Variants in SORBS2 observed in about 807,000 individuals in gnomAD.
The protein encoded by SORBS2 is sorbin and SH3 domain containing 2.
SORBS2 carries 46 observed loss-of-function variants against 97.7 expected under a neutral mutation model. The ratio of observed to expected loss-of-function variants is 0.47; its 90% CI spans 0.37 to 0.60. The LOEUF is 0.60. Ranked by LOEUF, SORBS2 falls within the 20% of genes least tolerant of loss-of-function variation. The pLI is 0.00. For missense variants in SORBS2, 1,316 were observed against 1,282.3 expected (o/e 1.03, Z -0.40); for synonymous variants, 476 against 473.4 (o/e 1.01, Z -0.07).
At chr4:185,643,711 G>A (rs2097164736) in intron 4 of SORBS2, among the ~76,000 whole-genome samples, 2 of 152,116 alleles carry the variant, frequency 1.3e-5, no homozygotes, top group Non-Finnish European at 2.9e-5. Flanking sequence ...CAGATGGAGA[G>A]GCCATGTAGA....
chr4:185,900,764 A>G (rs923344253), intron 1 of SORBS2, among the ~76,000 whole-genome samples: 1 of 152,086 alleles, frequency 6.6e-6, no homozygotes, highest in Non-Finnish European at 1.5e-5. Flanking sequence ...TGGGAGAGAG[A>G]GAGGGAGGGA....
chr4:185,806,092 C>T (rs1389562216), intron 1 of SORBS2, among the ~76,000 whole-genome samples: 4 of 152,222 alleles, frequency 2.6e-5, no homozygotes, highest in Non-Finnish European at 4.4e-5. Context: ...AGGCAGAAGT[C>T]GCTGACTCCT....
At chr4:185,906,910 G>A (rs1042658217) in intron 1 of SORBS2, among the ~76,000 whole-genome samples, 1 of 152,184 alleles carries the variant, frequency 6.6e-6, no homozygotes, top group Non-Finnish European at 1.5e-5. Context: ...CGGATCACCT[G>A]AGGTCAGGAG....
At chr4:185,780,077 A>T (rs1469358841) in intron 1 of SORBS2, among the ~76,000 whole-genome samples, 1 of 140,980 alleles carries the variant, frequency 7.1e-6, no homozygotes, top group South Asian at 2.2e-4. Flanking sequence ...GTGCAATAGC[A>T]CAATCTCGGC....
In SORBS2 at chr4:185,686,953, C is replaced by T. The variant is rs117303660; in HGVS notation, c.-197-8131G>A. Among the ~76,000 whole-genome samples, 176 of 152,264 alleles carry T rather than the reference C, an allele frequency of 1.2e-3. 2 individuals are homozygous for T. The East Asian group carries it at 0.024, about 20-fold the overall frequency. On this transcript the variant is annotated intron_variant, in intron 2 of 20. Transcript: ENST00000284776. ...GTGCCTGGTTTCAACATAATAGACGCGCTATATTCCTTTTGATGACATCAT... is the reference window on the plus strand; with the variant it reads ...GTGCCTGGTTTCAACATAATAGACGTGCTATATTCCTTTTGATGACATCAT...
chr4:185,919,922 C>T (rs567494094), intron 1 of SORBS2, among the ~76,000 whole-genome samples: 11 of 152,350 alleles, frequency 7.2e-5, no homozygotes, highest in African/African-American at 2.2e-4. Context: ...TTTGCAAAAT[C>T]TACCGCTGTT....
chr4:185,661,207 C>T (rs1471675289), upstream of SORBS2, among the ~76,000 whole-genome samples: 2 of 149,956 alleles, frequency 1.3e-5, no homozygotes, highest in African/African-American at 4.9e-5. Context: ...ACCCAGGAGG[C>T]AGAGGTTGCA....
At chr4:185,590,139 C>T (rs2095888192) in intron 13 of SORBS2, among the ~76,000 whole-genome samples, 1 of 152,120 alleles carries the variant, frequency 6.6e-6, no homozygotes, top group Admixed American at 6.5e-5. Context: ...ATCATTTAGA[C>T]ATTAAATAAT....
intron 2 of SORBS2, among the ~76,000 whole-genome samples, chr4:185,739,174 TG>T (rs529425638): frequency 3.9e-5 from 6 of 152,372 alleles, no homozygotes; most frequent in Non-Finnish European, 7.3e-5. Context: ...GCAATTTGTA[TG>T]GGTTGGACTG....
intron 1 of SORBS2, among the ~76,000 whole-genome samples, chr4:185,857,459 A>G (rs1435923909): frequency 6.6e-6 from 1 of 152,168 alleles, no homozygotes; most frequent in African/African-American, 2.4e-5. Flanking sequence ...TGTGTGTTTG[A>G]ACAATATGAA....
chr4:185,943,237 T>C (rs1429903468), intron 1 of SORBS2, among the ~76,000 whole-genome samples: 2 of 152,232 alleles, frequency 1.3e-5, no homozygotes, highest in Admixed American at 6.5e-5. Flanking sequence ...CTAGTAGTTA[T>C]GGACAAATAG....
chr4:185,845,136 C>T lies in SORBS2; in HGVS notation c.-337-69770G>A, dbSNP rs117625359. On this transcript the variant is annotated intron_variant, in intron 1 of 20. Transcript: ENST00000284776. ...CAAATGATTCTCCCACCTCAGCCCC[C>T]CTAGTACCTGGGACTACTAGTGGAC... Among the ~76,000 whole-genome samples the T allele has an allele frequency of 6.4e-3, 977 of 152,060 alleles. 54 individuals are homozygous for T. The East Asian group carries it at 0.16, about 25-fold the overall frequency.
At chr4:185,947,748 T>C (rs1283544479) in intron 1 of SORBS2, among the ~76,000 whole-genome samples, 2 of 152,168 alleles carry the variant, frequency 1.3e-5, no homozygotes, top group Non-Finnish European at 1.5e-5. Flanking sequence ...GTAGCTGGAA[T>C]TACAGGTGCA....
intron 1 of SORBS2, among the ~76,000 whole-genome samples, chr4:185,789,831 C>T (rs1278311513): frequency 6.6e-6 from 1 of 152,086 alleles, no homozygotes. Flanking sequence ...GGTAATTTTG[C>T]TGCTATTCTT....
At chr4:185,819,249 C>T (rs1339742616) in intron 1 of SORBS2, among the ~76,000 whole-genome samples, 3 of 152,208 alleles carry the variant, frequency 2.0e-5, no homozygotes, top group African/African-American at 7.2e-5. Context: ...ACTCTAGCTC[C>T]TACCCTCTGT....
intron 2 of SORBS2, among the ~76,000 whole-genome samples, chr4:185,728,739 T>C (rs929792592): frequency 6.6e-6 from 1 of 152,096 alleles, no homozygotes; most frequent in Non-Finnish European, 1.5e-5. Flanking sequence ...CAGGGTGACA[T>C]CTCCCAGGTT....
intron 2 of SORBS2, among the ~76,000 whole-genome samples, chr4:185,750,900 C>T (rs1015654461): frequency 1.3e-5 from 2 of 151,866 alleles, no homozygotes; most frequent in African/African-American, 4.8e-5. Context: ...TTCTCCTTGA[C>T]CTTAGGTGGG....
chr4:185,626,196 G>A (rs960795805), intron 6 of SORBS2, among the ~76,000 whole-genome samples: 1 of 152,240 alleles, frequency 6.6e-6, no homozygotes, highest in Admixed American at 6.5e-5. Flanking sequence ...AGAAAAAAAG[G>A]CTTGGTGATT....
chr4:185,789,404 A>T (rs2099070396), intron 1 of SORBS2, among the ~76,000 whole-genome samples: 1 of 152,046 alleles, frequency 6.6e-6, no homozygotes, highest in Admixed American at 6.6e-5. Context: ...TGCAATAATT[A>T]TTCAAAATAA....
Sources: allele counts gnomAD v4.1 joint callset (sites outside exome capture counted in the v4.1 genomes callset), GRCh38; gene constraint gnomAD v4.1.1; transcripts MANE v1.5; gene names NCBI Gene and HGNC (gene_info 2026-07-23, HGNC 2026-07-21).